Variants in RBMS3 observed in about 807,000 individuals in gnomAD.
RBMS3 encodes RNA binding motif single stranded interacting protein 3, also known as RNA-binding motif, single-stranded-interacting protein 3.
RBMS3 carries 27 observed loss-of-function variants against 66.8 expected under a neutral mutation model. The observed-to-expected ratio is 0.40, with a 90% CI of 0.30 to 0.56. RBMS3 has a LOEUF of 0.56. Among genes scored for constraint, RBMS3 ranks in the 20% least tolerant of loss-of-function variants. The pLI is 0.40. For synonymous variants in RBMS3, 188 were observed against 183.0 expected, an observed-to-expected ratio of 1.03 and a Z score of -0.22; for missense variants, 513 against 549.5, an observed-to-expected ratio of 0.93 and a Z score of 0.66.
chr3:29,629,353 C>T (rs941712027), intron 4 of RBMS3, among the ~76,000 whole-genome samples: 1 of 152,058 alleles, frequency 6.6e-6, no homozygotes, highest in Non-Finnish European at 1.5e-5. Context: ...TTTGTGAAAG[C>T]TGCCTCAAAG....
At chr3:29,762,466 T>A (rs966370279) in intron 5 of RBMS3, among the ~76,000 whole-genome samples, 1 of 152,200 alleles carries the variant, frequency 6.6e-6, no homozygotes. Flanking sequence ...GTTGCACAGA[T>A]GTCAGTTCAA....
At chr3:29,685,208 G>C (rs942750901) in intron 4 of RBMS3, among the ~76,000 whole-genome samples, 2 of 151,780 alleles carry the variant, frequency 1.3e-5, no homozygotes, top group African/African-American at 4.8e-5. Flanking sequence ...ACAGGCGCCC[G>C]CCACCACGCC....
At position 29,793,230 on chromosome 3, in the gene RBMS3, C is replaced by CAA. The variant is rs59309324; in HGVS notation, c.637+30251_637+30252dup. On this transcript the variant is annotated intron_variant, in intron 6 of 14. Transcript: ENST00000383767. ...TGGGCAATGGAGTGAGACTCCATCT[C>CAA]AAAAAAAAAAAGAAAAAGGAAAAGA... is the stretch of plus-strand genomic sequence containing the variant. Among the ~76,000 whole-genome samples the CAA allele has an allele frequency of 8.6e-3, 1,002 of 117,160 alleles. 11 individuals carry two copies. The highest frequency in any genetic ancestry group is 0.026 in the African/African-American group (922 of 34,870). The allele number at this position is 117,160 out of a possible 152,430, so 76.9% of individuals were successfully genotyped here. A position where few individuals can be genotyped will look rare whatever the true frequency, so the allele number is the denominator to read the frequency against.
intron 3 of RBMS3, among the ~76,000 whole-genome samples, chr3:29,550,717 T>G (rs1238328861): frequency 1.3e-5 from 2 of 152,210 alleles, no homozygotes; most frequent in African/African-American, 4.8e-5. Context: ...GGTGTTTATC[T>G]GAAATTTAAG....
At chr3:29,453,760 G>C (rs188803263) in intron 2 of RBMS3, among the ~76,000 whole-genome samples, 1 of 152,228 alleles carries the variant, frequency 6.6e-6, no homozygotes, top group African/African-American at 2.4e-5. Flanking sequence ...AGGCTGGCTG[G>C]AAGAGGGCAG....
chr3:29,913,323 G>C (rs1012892235), intron 10 of RBMS3, among the ~76,000 whole-genome samples: 1 of 151,966 alleles, frequency 6.6e-6, no homozygotes, highest in African/African-American at 2.4e-5. Context: ...CTGCACTTGA[G>C]AAATGACAGA....
chr3:29,614,767 T>C (rs2048606902), intron 4 of RBMS3: 1 of 152,062 alleles, frequency 6.6e-6, no homozygotes, highest in Non-Finnish European at 1.5e-5. Context: ...GTTTTCAAAG[T>C]GTGTCAGTCA....
chr3:29,428,042 A>C (rs2041028209), intron 1 of RBMS3, among the ~76,000 whole-genome samples: 3 of 152,186 alleles, frequency 2.0e-5, no homozygotes, highest in African/African-American at 7.2e-5. Flanking sequence ...GGAACTGCGT[A>C]TGTTGGAGGG....
intron 1 of RBMS3, among the ~76,000 whole-genome samples, chr3:29,388,766 A>G (rs146405761): frequency 0.025 from 3,731 of 152,196 alleles, 127 homozygotes; most frequent in African/African-American, 0.073. Flanking sequence ...GGGTTTCACC[A>G]TGTTAGCCAG....
chr3:29,666,695 C>A (rs59883602), intron 4 of RBMS3, among the ~76,000 whole-genome samples: 15,042 of 152,086 alleles, frequency 0.099, 1,485 homozygotes, highest in African/African-American at 0.25. Flanking sequence ...AAAGCAGTAT[C>A]ATTTGCATCA....
intron 3 of RBMS3, among the ~76,000 whole-genome samples, chr3:29,564,288 C>A (rs754696583): frequency 3.3e-5 from 5 of 151,730 alleles, no homozygotes; most frequent in Non-Finnish European, 7.4e-5. Flanking sequence ...ACCAGCCTGA[C>A]CAACATAGTG....
chr3:29,851,937 T>C (rs982220812), intron 6 of RBMS3, among the ~76,000 whole-genome samples: 1 of 152,010 alleles, frequency 6.6e-6, no homozygotes, highest in Non-Finnish European at 1.5e-5. Context: ...CTATACTACA[T>C]AGCTACAGTA....
At chr3:29,572,983 C>T (rs1271724092) in intron 3 of RBMS3, among the ~76,000 whole-genome samples, 7 of 151,858 alleles carry the variant, frequency 4.6e-5, no homozygotes, top group East Asian at 3.9e-4. Context: ...CTTCATAATT[C>T]GATCTTGGTG....
At position 29,551,388 on chromosome 3, in the gene RBMS3, A is replaced by G. The variant is rs1337931759; in HGVS notation, c.308-35726A>G. ...GTCAAGAGAGTTATAATACATAACA[A>G]AATAAGATAGTAAGCCCCAAATTAG... On this transcript the variant is annotated intron_variant, in intron 3 of 14. Coordinates refer to ENST00000383767, the MANE Select transcript of RBMS3 (RefSeq NM_001003793.3). Among the ~76,000 whole-genome samples, 3 of 152,352 alleles carry G rather than the reference A, an allele frequency of 2.0e-5. No homozygotes were observed. In the South Asian group the frequency reaches 6.2e-4, roughly 32 times the overall value.
chr3:29,744,778 C>T (rs1025784527), intron 5 of RBMS3, among the ~76,000 whole-genome samples: 5 of 123,798 alleles, frequency 4.0e-5, no homozygotes, highest in African/African-American at 1.3e-4. Flanking sequence ...TGTAAGACTC[C>T]GTCTCGGAAA....
chr3:29,738,912 G>A (rs938868559), intron 4 of RBMS3, among the ~76,000 whole-genome samples: 23 of 152,170 alleles, frequency 1.5e-4, no homozygotes, highest in African/African-American at 5.3e-4. Flanking sequence ...TGGCACTTAT[G>A]AGCTGTGTAA....
intron 6 of RBMS3, among the ~76,000 whole-genome samples, chr3:29,858,854 G>C (rs944824767): frequency 6.6e-6 from 1 of 152,132 alleles, no homozygotes; most frequent in Admixed American, 6.5e-5. Flanking sequence ...AGGAGATCTT[G>C]AGATCACTAT....
chr3:29,587,836 C>T (rs536591571), intron 4 of RBMS3, among the ~76,000 whole-genome samples: 2 of 151,966 alleles, frequency 1.3e-5, no homozygotes, highest in South Asian at 4.1e-4. Context: ...AATTAAGTAT[C>T]ATTAAATAGA....
At chr3:29,869,221 A>C (rs1472961073) in intron 7 of RBMS3, among the ~76,000 whole-genome samples, 1 of 152,166 alleles carries the variant, frequency 6.6e-6, no homozygotes, top group African/African-American at 2.4e-5. Context: ...AAAGGAACTC[A>C]CTGAAATACT....
Sources: gnomAD v4.1 joint callset for allele counts (sites outside exome capture counted in the v4.1 genomes callset) on GRCh38, gnomAD v4.1.1 for gene constraint, MANE v1.5 for transcripts, NCBI Gene and HGNC (gene_info 2026-07-23, HGNC 2026-07-21) for gene names.